Variants in RGS8 observed in about 807,000 individuals in gnomAD.
RGS8 encodes regulator of G protein signaling 8.
RGS8 carries 8 observed loss-of-function variants against 21.7 expected under a neutral mutation model. The ratio of observed to expected loss-of-function variants is 0.37; its 90% confidence interval spans 0.22 to 0.66. RGS8 has a LOEUF of 0.66. RGS8 is among the 30% of genes least tolerant of loss of function. The pLI is 0.59. For synonymous variants in RGS8, 80 were observed against 83.6 expected (o/e 0.96, Z 0.24); for missense variants, 157 against 217.9 (o/e 0.72, Z 1.76).
chr1:182,665,960 T>G lies in RGS8; in HGVS notation c.193+9A>C, dbSNP rs1239300615. The G allele has an allele frequency of 3.1e-6, 5 of 1,610,698 alleles. No individual in the cohort carries two copies. In the Admixed American group the frequency reaches 8.3e-5, roughly 27 times the overall value. The stretch of plus-strand genomic sequence containing the variant: ...TGCCATGTCATGATACGACCTGAAT[T>G]CTACTTACACTTATGAGAGAGAAGC... On this transcript the variant is annotated intron_variant, in intron 5 of 6. Transcript: ENST00000483095.
chr1:182,647,707 A>G (rs1662769910), intron 6 of RGS8, among the ~76,000 whole-genome samples: 1 of 152,196 alleles, frequency 6.6e-6, no homozygotes, highest in African/African-American at 2.4e-5. Context: ...ACGCTTTTAC[A>G]TTGGGGAAAT....
At chr1:182,732,438 C>A in the RGS8 span, among the ~76,000 whole-genome samples, 1 of 152,188 alleles carries the variant, frequency 6.6e-6, no homozygotes, top group African/African-American at 2.4e-5. Flanking sequence ...GAGCAAGGAG[C>A]AAATAAGGAA....
the RGS8 span, among the ~76,000 whole-genome samples, chr1:182,739,250 CT>C: frequency 6.6e-6 from 1 of 152,180 alleles, no homozygotes; most frequent in African/African-American, 2.4e-5. Flanking sequence ...TACTCCTCAT[CT>C]AGGAAGAGAA....
the RGS8 span, among the ~76,000 whole-genome samples, chr1:182,690,094 C>G: frequency 6.6e-6 from 1 of 152,192 alleles, no homozygotes; most frequent in Non-Finnish European, 1.5e-5. Flanking sequence ...GAGCAAGTCA[C>G]TTAACCTCTC....
chr1:182,728,751 G>A, the RGS8 span, among the ~76,000 whole-genome samples: 8,043 of 152,250 alleles, frequency 0.053, 252 homozygotes, highest in Middle Eastern at 0.075. Flanking sequence ...TATTTGATAG[G>A]AGAGAATCAA....
rs1662873475 is a variant in RGS8, at chr1:182,649,145, A to AG, written c.194-843dup. Among the ~76,000 whole-genome samples, 6 of 152,332 alleles carry AG rather than the reference A, an allele frequency of 3.9e-5. No individual in the cohort carries two copies. The South Asian group carries it at 1.2e-3, about 32-fold the overall frequency. ...ATAGTAATATTACGAAGCCACATTT[A>AG]GGAAGTTGTAGTAATATATTTGGGG... On this transcript the variant is annotated intron_variant, in intron 5 of 6. Transcript: ENST00000483095.
chr1:182,697,811 A>T, the RGS8 span, among the ~76,000 whole-genome samples: 1 of 152,348 alleles, frequency 6.6e-6, no homozygotes, highest in African/African-American at 2.4e-5. Context: ...AAGCTGAATT[A>T]AAAACATAAT....
chr1:182,748,455 G>A, the RGS8 span, among the ~76,000 whole-genome samples: 6 of 152,180 alleles, frequency 3.9e-5, no homozygotes, highest in African/African-American at 1.4e-4. Flanking sequence ...TTTTATGGCT[G>A]AATAATATCC....
the RGS8 span, among the ~76,000 whole-genome samples, chr1:182,690,611 A>G: frequency 6.6e-6 from 1 of 152,212 alleles, no homozygotes; most frequent in Non-Finnish European, 1.5e-5. Flanking sequence ...CAACTCTACA[A>G]TTCTACAATT....
intron 1 of RGS8, among the ~76,000 whole-genome samples, chr1:182,681,431 C>T (rs1026534101): frequency 1.2e-4 from 18 of 152,194 alleles, no homozygotes; most frequent in African/African-American, 4.3e-4. Flanking sequence ...ATAAAATAAG[C>T]TCTTTCTAAT....
the RGS8 span, among the ~76,000 whole-genome samples, chr1:182,727,349 C>T: frequency 6.6e-6 from 1 of 152,196 alleles, no homozygotes; most frequent in African/African-American, 2.4e-5. Flanking sequence ...ACATGTAGAA[C>T]AGTGCCTGGC....
At chr1:182,707,106 C>T in the RGS8 span, among the ~76,000 whole-genome samples, 2 of 152,070 alleles carry the variant, frequency 1.3e-5, no homozygotes, top group African/African-American at 4.8e-5. Context: ...TGCATTGAGC[C>T]GAGATCGCAC....
At chr1:182,749,559 T>G in the RGS8 span, among the ~76,000 whole-genome samples, 1 of 152,336 alleles carries the variant, frequency 6.6e-6, no homozygotes, top group East Asian at 1.9e-4. Flanking sequence ...TACTCAAGAT[T>G]ACTTTTGCTA....
At chr1:182,740,712 T>C in the RGS8 span, among the ~76,000 whole-genome samples, 15 of 150,476 alleles carry the variant, frequency 1.0e-4, 1 homozygote, top group South Asian at 2.1e-4. Context: ...CCTTCCGCAG[T>C]GTTTGTGTCC....
chr1:182,722,363 CAA>C, the RGS8 span, among the ~76,000 whole-genome samples: 30,585 of 79,520 alleles, frequency 0.38, 3,473 homozygotes, highest in Middle Eastern at 0.47. Context: ...AGCAAATTAC[CAA>C]AAAAAAAAAA....
the RGS8 span, among the ~76,000 whole-genome samples, chr1:182,743,908 C>A: frequency 6.6e-6 from 1 of 152,152 alleles, no homozygotes; most frequent in Non-Finnish European, 1.5e-5. Flanking sequence ...TGCACATACT[C>A]TCTAGTTCCT....
chr1:182,745,938 T>C, the RGS8 span, among the ~76,000 whole-genome samples: 1 of 152,194 alleles, frequency 6.6e-6, no homozygotes, highest in Admixed American at 6.5e-5. Flanking sequence ...AATAAATTCC[T>C]CAAGTATCCT....
upstream of RGS8, chr1:182,671,990 T>C (rs911682537): frequency 7.2e-5 from 86 of 1,189,244 alleles, no homozygotes; most frequent in Admixed American, 2.0e-4. Context: ...CCATCCTCAT[T>C]GGCAGGATGC....
the RGS8 span, among the ~76,000 whole-genome samples, chr1:182,690,681 A>C: frequency 6.6e-6 from 1 of 152,208 alleles, no homozygotes; most frequent in African/African-American, 2.4e-5. Context: ...GTTTGGACAA[A>C]AAATACCTCG....
Sources: gnomAD v4.1 joint callset for allele counts (sites outside exome capture counted in the v4.1 genomes callset) on GRCh38, gnomAD v4.1.1 for gene constraint, MANE v1.5 for transcripts, NCBI Gene and HGNC (gene_info 2026-07-23, HGNC 2026-07-21) for gene names.